The following TARBP1 variants were observed in gnomAD, a reference collection of about 807,000 sequenced individuals.
The protein encoded by TARBP1 is tRNA guanosine 2 -O-methyltransferase TARBP1, also known as tRNA (guanosine(18)-2'-O)-methyltransferase TARBP1.
Under a neutral mutation model 178.6 loss-of-function variants are expected in TARBP1, and 144 were observed. The ratio of observed to expected loss-of-function variants is 0.81; its 90% confidence interval spans 0.70 to 0.93. The LOEUF is 0.93. Ranked by LOEUF, TARBP1 falls within the 40% of genes least tolerant of loss-of-function variation. The probability of loss-of-function intolerance (pLI) is 0.00; values close to 1 mark genes in which losing one functional copy is unlikely to be tolerated. For synonymous variants in TARBP1, 787 were observed against 781.0 expected (o/e 1.01, Z -0.13); for missense variants, 2,067 against 2,011.7 (o/e 1.03, Z -0.53).
At chr1:234,444,217 G>C (rs1296394697) in intron 12 of TARBP1, among the ~76,000 whole-genome samples, 1 of 137,710 alleles carries the variant, frequency 7.3e-6, no homozygotes, top group African/African-American at 2.7e-5. Context: ...CAAAAAAAGC[G>C]AGACTCAGCA....
rs776857246 is a variant in TARBP1 at position 234,391,526 on chromosome 1, T to C, written c.*51A>G. On this transcript the variant is annotated 3_prime_UTR_variant, in exon 30 of 30. Coordinates refer to ENST00000040877, the MANE Select transcript of TARBP1 (RefSeq NM_005646.4). ...GAATCTGTTTCTTTAGTCCAAATAG[T>C]TTTTTTTAAAAAAGTCTGAACAGCA... The C allele has an allele frequency of 1.4e-5, 21 of 1,515,264 alleles. No homozygotes were observed. Among genetic ancestry groups the C allele is most frequent in the African/African-American group, 2.8e-5 (2 of 71,378 alleles). The allele number at this position is 1,515,264 out of a possible 1,614,324, so 93.9% of individuals were successfully genotyped here. A position where few individuals can be genotyped will look rare whatever the true frequency, so the allele number is the denominator to read the frequency against.
At chr1:234,427,449 C>A in intron 18 of TARBP1, 61 bp from the exon 19 acceptor site, 2 of 1,485,586 alleles carry the variant, frequency 1.3e-6, no homozygotes, top group Non-Finnish European at 1.8e-6. Context: ...AAATTAAATC[C>A]CCAAGGTTAA....
chr1:234,402,019 C>A (rs1660720419), intron 24 of TARBP1, among the ~76,000 whole-genome samples: 1 of 152,198 alleles, frequency 6.6e-6, no homozygotes, highest in Non-Finnish European at 1.5e-5. Flanking sequence ...TGCCCTATCT[C>A]CCCCAACTTC....
chr1:234,415,529 A>G (rs572112921), intron 22 of TARBP1, among the ~76,000 whole-genome samples: 1 of 152,292 alleles, frequency 6.6e-6, no homozygotes, highest in South Asian at 2.1e-4. Context: ...CTTCCATCTT[A>G]TGAGTGTTGG....
chr1:234,472,328 CCAAAAAAAAA>C (rs1669140379), intron 2 of TARBP1, among the ~76,000 whole-genome samples: 1 of 33,888 alleles, frequency 3.0e-5, no homozygotes, highest in Non-Finnish European at 5.6e-5. Context: ...GACTCTGTCT[CCAAAAAAAAA>C]AAAAAAAAAA....
At chr1:234,452,447 A>T (rs1204664875) in intron 9 of TARBP1, among the ~76,000 whole-genome samples, 1 of 152,346 alleles carries the variant, frequency 6.6e-6, no homozygotes, top group African/African-American at 2.4e-5. Flanking sequence ...AGACATACAG[A>T]TGGTAAATAG....
intron 6 of TARBP1, among the ~76,000 whole-genome samples, chr1:234,461,140 C>T (rs973583152): frequency 1.3e-5 from 2 of 152,210 alleles, no homozygotes; most frequent in Admixed American, 6.5e-5. Context: ...TTTGTGAATA[C>T]ACTAAACACC....
chr1:234,462,279 G>A (rs899358571), intron 6 of TARBP1, among the ~76,000 whole-genome samples: 3 of 152,214 alleles, frequency 2.0e-5, no homozygotes, highest in African/African-American at 7.2e-5. Context: ...AGCCCTGACC[G>A]ACATCACTTC....
At chr1:234,442,911 A>AC (rs1300960777) in intron 12 of TARBP1, among the ~76,000 whole-genome samples, 2 of 152,174 alleles carry the variant, frequency 1.3e-5, no homozygotes, top group Non-Finnish European at 2.9e-5. Flanking sequence ...CCCTCAAGGC[A>AC]CATTCCCTGG....
intron 1 of TARBP1, among the ~76,000 whole-genome samples, chr1:234,475,744 CA>C (rs1305972709): frequency 6.6e-6 from 1 of 152,244 alleles, no homozygotes; most frequent in African/African-American, 2.4e-5. Context: ...GAACAAGCAT[CA>C]GCAGTCTACC....
At position 234,430,448 on chromosome 1, in the gene TARBP1, A is replaced by G. The variant is rs985130149; in HGVS notation, c.2395-147T>C. ...TATCAGGAGAAATAAAAGGAAATCC[A>G]GTACACATCATTCACTTCCACTACT... On this transcript the variant is annotated intron_variant, in intron 14 of 29. Coordinates refer to ENST00000040877, the MANE Select transcript of TARBP1 (RefSeq NM_005646.4). The G allele has an allele frequency of 2.5e-5, 17 of 677,556 alleles. No individual in the cohort carries two copies. In the African/African-American group the frequency reaches 3.1e-4, roughly 12 times the overall value. 42.0% of individuals were successfully genotyped at this position (677,556 alleles called of 1,614,324 possible).
intron 20 of TARBP1, among the ~76,000 whole-genome samples, chr1:234,422,403 T>TA (rs1161209403): frequency 6.6e-6 from 1 of 152,058 alleles, no homozygotes; most frequent in African/African-American, 2.4e-5. Context: ...TATTTGGCCA[T>TA]AAAAAAGAAT....
At chr1:234,466,849 A>C (rs941158058) in intron 4 of TARBP1, among the ~76,000 whole-genome samples, 1 of 152,108 alleles carries the variant, frequency 6.6e-6, no homozygotes, top group African/African-American at 2.4e-5. Flanking sequence ...GGTGACAGGC[A>C]TGAGACACCA....
chr1:234,427,288 T>G, intron 19 of TARBP1, 29 bp downstream of exon 19: 1 of 1,527,802 alleles, frequency 6.5e-7, no homozygotes, highest in Non-Finnish European at 9.0e-7. Flanking sequence ...CTCATTTATG[T>G]GAAGACAGAG....
At chr1:234,445,062 C>A (rs1331560374) in intron 12 of TARBP1, among the ~76,000 whole-genome samples, 1 of 152,160 alleles carries the variant, frequency 6.6e-6, no homozygotes, top group African/African-American at 2.4e-5. Context: ...CCCACTACTG[C>A]CCCAAATTGC....
chr1:234,445,994 A>G (rs997837531), intron 12 of TARBP1, among the ~76,000 whole-genome samples: 27 of 152,330 alleles, frequency 1.8e-4, no homozygotes, highest in Admixed American at 2.0e-4. Flanking sequence ...AAAGTCTTAT[A>G]AAAAGTTACT....
intron 4 of TARBP1, among the ~76,000 whole-genome samples, chr1:234,466,810 C>T (rs368874156): frequency 6.6e-6 from 1 of 152,058 alleles, no homozygotes; most frequent in African/African-American, 2.4e-5. Flanking sequence ...TTGCACTGAG[C>T]CGAGATCATG....
intron 13 of TARBP1, among the ~76,000 whole-genome samples, chr1:234,435,808 C>T (rs58291586): frequency 0.13 from 20,401 of 152,096 alleles, 1,522 homozygotes; most frequent in Middle Eastern, 0.26. Flanking sequence ...CAGCCAGCAT[C>T]GCAAAGACCG....
At chr1:234,410,926 G>A (rs1661742844) in intron 22 of TARBP1, among the ~76,000 whole-genome samples, 1 of 152,250 alleles carries the variant, frequency 6.6e-6, no homozygotes, top group Non-Finnish European at 1.5e-5. Flanking sequence ...ACAAAAATTC[G>A]CTGGGCATGG....
Sources: allele counts gnomAD v4.1 joint callset (sites outside exome capture counted in the v4.1 genomes callset), GRCh38; gene constraint gnomAD v4.1.1; transcripts MANE v1.5; gene names NCBI Gene and HGNC (gene_info 2026-07-23, HGNC 2026-07-21).